The following DLGAP4 variants were observed in gnomAD, a reference collection of about 807,000 sequenced individuals.
DLGAP4 encodes the protein DLG associated protein 4.
A neutral mutation model predicts 86.9 loss-of-function variants in DLGAP4; 18 were observed. That is an observed-to-expected ratio of 0.21 (90% CI 0.14 to 0.31). The LOEUF is 0.31. Ranked by LOEUF, DLGAP4 falls within the 10% of genes least tolerant of loss-of-function variation. The pLI, the probability that DLGAP4 is intolerant of heterozygous loss-of-function variation, is 1.00. For synonymous variants in DLGAP4, 548 were observed against 574.3 expected, an observed-to-expected ratio of 0.95 and a Z score of 0.65; for missense variants, 1,085 against 1,362.6, an observed-to-expected ratio of 0.80 and a Z score of 3.21.
intron 1 of DLGAP4, among the ~76,000 whole-genome samples, chr20:36,325,216 A>G (rs1339087889): frequency 6.6e-6 from 1 of 151,976 alleles, no homozygotes; most frequent in African/African-American, 2.4e-5. Context: ...TCTTTGACCC[A>G]TGGGTTTTTT....
chr20:36,428,994 T>C (rs1457352667), intron 2 of DLGAP4, among the ~76,000 whole-genome samples: 4 of 152,212 alleles, frequency 2.6e-5, no homozygotes, highest in African/African-American at 9.6e-5. Context: ...CCTGCATTCC[T>C]TGGCTCATGT....
chr20:36,406,438 G>A (rs2147493105), intron 2 of DLGAP4, among the ~76,000 whole-genome samples: 1 of 151,018 alleles, frequency 6.6e-6, no homozygotes, highest in Non-Finnish European at 1.5e-5. Flanking sequence ...AAGTCATGCT[G>A]GCTGAGTCAC....
intron 1 of DLGAP4, among the ~76,000 whole-genome samples, chr20:36,323,989 T>G (rs2065194022): frequency 2.0e-5 from 3 of 152,230 alleles, no homozygotes; most frequent in African/African-American, 7.2e-5. Context: ...GGACCCATGC[T>G]TTATAGCACA....
chr20:36,477,573 T>C (rs2035003152), intron 7 of DLGAP4, among the ~76,000 whole-genome samples: 4 of 152,176 alleles, frequency 2.6e-5, no homozygotes, highest in African/African-American at 9.7e-5. Flanking sequence ...GATAATGGGA[T>C]GAGGAAGGCT....
chr20:36,474,553 T>TC (rs1471531661), intron 7 of DLGAP4, among the ~76,000 whole-genome samples: 3 of 152,156 alleles, frequency 2.0e-5, no homozygotes, highest in Non-Finnish European at 2.9e-5. Context: ...TTTCTTGCCT[T>TC]CCCCCTGGCG....
chr20:36,468,301 C>G (rs1385100714), intron 7 of DLGAP4, among the ~76,000 whole-genome samples: 1 of 152,256 alleles, frequency 6.6e-6, no homozygotes, highest in Non-Finnish European at 1.5e-5. Flanking sequence ...CCAACGCAAT[C>G]AGTCACCCAC....
rs2065003671 is a variant in DLGAP4 at position 36,306,517 on chromosome 20, G to A, written c.-304+5G>A. ...CGGCCGAGGCGCCCGGCGCAGGTGA[G>A]GGCGCGGGGGTGGCGCGCGGCGGCT... On this transcript the variant is annotated splice_donor_5th_base_variant and intron_variant, in intron 1 of 12. Transcript: ENST00000339266. This position sits in a 1 kb window ranked among gnomAD's most constrained non-coding sequence, Gnocchi z 4.9. The A allele has an allele frequency of 6.6e-6, 1 of 151,736 alleles. No individual in the cohort carries two copies. Among genetic ancestry groups the A allele is most frequent in the Non-Finnish European group, 1.5e-5 (1 of 67,738 alleles). The allele number at this position is 151,736 out of a possible 1,614,324, so 9.4% of individuals were successfully genotyped here. A position where few individuals can be genotyped will look rare whatever the true frequency, so the allele number is the denominator to read the frequency against.
chr20:36,499,826 G>A (rs1174113292), intron 9 of DLGAP4, 150 bp downstream of exon 9: 2 of 716,850 alleles, frequency 2.8e-6, no homozygotes, highest in Non-Finnish European at 4.9e-6. Flanking sequence ...AGGCATGGGA[G>A]GCTGGGCAGG....
chr20:36,358,556 C>G (rs1458422256), intron 1 of DLGAP4, among the ~76,000 whole-genome samples: 1 of 152,178 alleles, frequency 6.6e-6, no homozygotes, highest in Non-Finnish European at 1.5e-5. Context: ...CCTATAATCC[C>G]AGCACTTTGG....
chr20:36,459,250 G>A (rs2033960495), intron 7 of DLGAP4, among the ~76,000 whole-genome samples: 1 of 152,150 alleles, frequency 6.6e-6, no homozygotes, highest in African/African-American at 2.4e-5. Flanking sequence ...ATATCTTCTG[G>A]GACCCTAAAG....
chr20:36,377,547 C>T (rs1009843590), intron 2 of DLGAP4, among the ~76,000 whole-genome samples: 3 of 152,292 alleles, frequency 2.0e-5, no homozygotes, highest in South Asian at 2.1e-4. Context: ...GATTCCTGGG[C>T]GTGTCACTTC....
chr20:36,498,807 T>C (rs921970774), intron 8 of DLGAP4: 3 of 160,092 alleles, frequency 1.9e-5, no homozygotes, highest in African/African-American at 7.2e-5. Context: ...CTGGCCTGGC[T>C]GCCCCATGGC....
At chr20:36,440,086 C>G (rs978922120) in intron 5 of DLGAP4, among the ~76,000 whole-genome samples, 1 of 152,206 alleles carries the variant, frequency 6.6e-6, no homozygotes, top group Non-Finnish European at 1.5e-5. Flanking sequence ...ACCCAGGACC[C>G]CACACCACCA....
intron 1 of DLGAP4, among the ~76,000 whole-genome samples, chr20:36,329,126 T>C (rs935447149): frequency 1.3e-5 from 2 of 152,266 alleles, no homozygotes; most frequent in Middle Eastern, 6.8e-3. Context: ...GGCAGGCCGG[T>C]CTTGAACGCC....
chr20:36,447,378 G>A (rs146436061), intron 7 of DLGAP4, among the ~76,000 whole-genome samples: 1 of 152,326 alleles, frequency 6.6e-6, no homozygotes, highest in East Asian at 1.9e-4. Context: ...GTGTTTTACA[G>A]GCTTCTCTCA....
intron 2 of DLGAP4, among the ~76,000 whole-genome samples, chr20:36,369,811 T>A (rs1231168205): frequency 6.6e-6 from 1 of 152,242 alleles, no homozygotes; most frequent in Non-Finnish European, 1.5e-5. Context: ...AAAAAACAAT[T>A]GTAAAAATAA....
chr20:36,441,028 G>GC (rs2033432226), intron 5 of DLGAP4, among the ~76,000 whole-genome samples: 1 of 151,914 alleles, frequency 6.6e-6, no homozygotes, highest in Admixed American at 6.6e-5. Context: ...CCCTGCCCCT[G>GC]CCCCCCTCAT....
intron 6 of DLGAP4, among the ~76,000 whole-genome samples, chr20:36,444,051 C>G (rs2033524555): frequency 6.6e-6 from 1 of 152,208 alleles, no homozygotes; most frequent in Non-Finnish European, 1.5e-5. Context: ...CCTGTGTGAT[C>G]CCAAAGCAAG....
intron 1 of DLGAP4, among the ~76,000 whole-genome samples, chr20:36,355,602 A>G (rs183887071): frequency 3.3e-5 from 5 of 152,244 alleles, no homozygotes; most frequent in Admixed American, 2.0e-4. Flanking sequence ...CAGCAGCATC[A>G]TGTTTTTGAT....
Sources: gnomAD v4.1 joint callset for allele counts (sites outside exome capture counted in the v4.1 genomes callset) on GRCh38, gnomAD v4.1.1 for gene constraint, Gnocchi (gnomAD v3.1) non-coding constraint, MANE v1.5 for transcripts, NCBI Gene and HGNC (gene_info 2026-07-23, HGNC 2026-07-21) for gene names.